GNA14: variants seen among roughly 807,000 people sequenced by gnomAD.
GNA14 encodes guanine nucleotide-binding protein subunit alpha-14.
In GNA14, 50 loss-of-function variants were observed where a neutral mutation model predicts 42.0. The ratio of observed to expected loss-of-function variants is 1.19; its 90% CI spans 0.95 to 1.51. The LOEUF (loss-of-function observed/expected upper bound fraction) is 1.51, where lower values mean the gene tolerates loss of function less well. Ranked by LOEUF, GNA14 falls within the 40% of genes most tolerant of loss-of-function variation. The pLI, the probability that GNA14 is intolerant of heterozygous loss-of-function variation, is 0.00. For missense variants in GNA14, 473 were observed against 446.2 expected (o/e 1.06, Z -0.54); for synonymous variants, 173 against 163.1 (o/e 1.06, Z -0.46).
chr9:77,491,296 T>C (rs1351100722), intron 2 of GNA14, among the ~76,000 whole-genome samples: 1 of 152,194 alleles, frequency 6.6e-6, no homozygotes, highest in Non-Finnish European at 1.5e-5. Context: ...ATTAAGTACA[T>C]GGACAAATGC....
intron 1 of GNA14, among the ~76,000 whole-genome samples, chr9:77,601,168 G>GTT (rs202106388): frequency 6.6e-6 from 1 of 152,232 alleles, no homozygotes; most frequent in African/African-American, 2.4e-5. Flanking sequence ...TTGCTGAGAC[G>GTT]TTTTTTTGTT....
chr9:77,513,797 G>A (rs1837207851), intron 2 of GNA14, among the ~76,000 whole-genome samples: 2 of 152,206 alleles, frequency 1.3e-5, no homozygotes, highest in South Asian at 2.1e-4. Context: ...TATGAGCCAT[G>A]CTCTCTATAC....
In GNA14 at chr9:77,428,903, A is replaced by G. The variant is rs1835498617; in HGVS notation, c.723+4T>C. On this transcript the variant is annotated splice_donor_region_variant and intron_variant, in intron 5 of 6. Coordinates refer to ENST00000341700, the MANE Select transcript of GNA14 (RefSeq NM_004297.4). ...CAGCTACCCAAACTTCCCGCCCAGC[A>G]TACCTCGTTGTCACACTCAGCCAGG... 16 of 1,613,234 alleles carry G rather than the reference A, an allele frequency of 9.9e-6. No individual in the cohort carries two copies. Among genetic ancestry groups the G allele is most frequent in the Non-Finnish European group, 1.2e-5 (14 of 1,179,606 alleles).
chr9:77,571,193 GATA>G (rs1823053376), intron 1 of GNA14, among the ~76,000 whole-genome samples: 1 of 152,106 alleles, frequency 6.6e-6, no homozygotes, highest in Admixed American at 6.5e-5. Context: ...ATGAGCAAAG[GATA>G]ATATGTACCT....
rs182182014 is a variant in GNA14 at position 77,625,372 on chromosome 9, C to A, written c.124+22298G>T. On this transcript the variant is annotated intron_variant, in intron 1 of 6. Coordinates refer to ENST00000341700, the MANE Select transcript of GNA14 (RefSeq NM_004297.4). ...TCCCCCACCTAGCAAGACAGGCCAA[C>A]ATTCAAATTCAGGAAATACAGAGAA... 5.7e-3 allele frequency among the ~76,000 whole-genome samples: 862 copies of A among 152,180 alleles called. 7 individuals are homozygous for A. The highest frequency in any genetic ancestry group is 0.02 in the African/African-American group (812 of 41,538).
chr9:77,508,193 C>G (rs749038567), intron 2 of GNA14, among the ~76,000 whole-genome samples: 10 of 152,226 alleles, frequency 6.6e-5, no homozygotes, highest in Non-Finnish European at 1.5e-4. Context: ...CCTTTCTACC[C>G]ACTAAGAAAG....
chr9:77,618,239 A>T (rs990998813), intron 1 of GNA14, among the ~76,000 whole-genome samples: 4 of 152,206 alleles, frequency 2.6e-5, no homozygotes, highest in African/African-American at 9.6e-5. Flanking sequence ...TGCCTTTGTG[A>T]TTCTTAAAGG....
chr9:77,431,795 A>G (rs1329864505), intron 3 of GNA14: 1 of 206,784 alleles, frequency 4.8e-6, no homozygotes, highest in Non-Finnish European at 9.7e-6. Flanking sequence ...CCAACACCCC[A>G]TCTGTCATCC....
At chr9:77,529,291 C>T (rs1233571027) in intron 1 of GNA14, 38 bp from the exon 2 acceptor site, 19 of 1,513,100 alleles carry the variant, frequency 1.3e-5, no homozygotes, top group Non-Finnish European at 1.7e-5. Flanking sequence ...TGTCAGCAGA[C>T]TTCCAAAGGA....
At chr9:77,570,912 A>G (rs972515241) in intron 1 of GNA14, among the ~76,000 whole-genome samples, 2 of 150,720 alleles carry the variant, frequency 1.3e-5, no homozygotes, top group African/African-American at 2.5e-5. Context: ...CTTATAATCT[A>G]TGTGCATATT....
chr9:77,635,266 G>A (rs1230303254), intron 1 of GNA14: 1 of 152,082 alleles, frequency 6.6e-6, no homozygotes, highest in Non-Finnish European at 1.5e-5. Flanking sequence ...CTAATCTTCT[G>A]TGTATCACTC....
intron 1 of GNA14, among the ~76,000 whole-genome samples, chr9:77,601,120 C>T (rs944796883): frequency 2.6e-5 from 4 of 152,232 alleles, no homozygotes; most frequent in African/African-American, 9.6e-5. Flanking sequence ...GGTATTCAAT[C>T]TGTGAGGTGG....
intron 2 of GNA14, among the ~76,000 whole-genome samples, chr9:77,486,893 G>GA (rs1199924788): frequency 2.0e-5 from 3 of 151,954 alleles, no homozygotes; most frequent in African/African-American, 7.3e-5. Context: ...TAATAATAGT[G>GA]AAAAGGTTTG....
chr9:77,523,852 A>G (rs1218192578), intron 2 of GNA14, among the ~76,000 whole-genome samples: 1 of 152,132 alleles, frequency 6.6e-6, no homozygotes, highest in East Asian at 1.9e-4. Flanking sequence ...TTCTGTATCT[A>G]CATCATGCAA....
chr9:77,574,355 T>G (rs1823100267), intron 1 of GNA14, among the ~76,000 whole-genome samples: 1 of 152,192 alleles, frequency 6.6e-6, no homozygotes, highest in Non-Finnish European at 1.5e-5. Context: ...AAAGAAGTTG[T>G]TTGTGTGGTA....
intron 1 of GNA14, among the ~76,000 whole-genome samples, chr9:77,624,613 T>TG (rs1823985862): frequency 6.6e-6 from 1 of 152,126 alleles, no homozygotes; most frequent in South Asian, 2.1e-4. Context: ...CCTCCGCTGG[T>TG]GATACCCAGG....
At chr9:77,569,535 G>C (rs1041361395) in intron 1 of GNA14, among the ~76,000 whole-genome samples, 5 of 152,076 alleles carry the variant, frequency 3.3e-5, no homozygotes, top group African/African-American at 1.2e-4. Context: ...CTTACAAAAC[G>C]GTCAGAGGGA....
At chr9:77,622,834 C>G in intron 1 of GNA14, among the ~76,000 whole-genome samples, 1 of 146,958 alleles carries the variant, frequency 6.8e-6, no homozygotes, top group Non-Finnish European at 1.5e-5. Flanking sequence ...GCAGAGCTTA[C>G]AGTGAGCTGA....
At chr9:77,457,053 A>G (rs1836012750) in intron 2 of GNA14, among the ~76,000 whole-genome samples, 1 of 152,242 alleles carries the variant, frequency 6.6e-6, no homozygotes, top group African/African-American at 2.4e-5. Flanking sequence ...TTGCAAGCCC[A>G]TTAACAGAAG....
Sources: allele counts gnomAD v4.1 joint callset (sites outside exome capture counted in the v4.1 genomes callset), GRCh38; gene constraint gnomAD v4.1.1; transcripts MANE v1.5; gene names NCBI Gene and HGNC (gene_info 2026-07-23, HGNC 2026-07-21).